FHIT: variants seen among roughly 807,000 people sequenced by gnomAD.
FHIT encodes bis(5'-adenosyl)-triphosphatase.
In FHIT, 19 loss-of-function variants were observed where a neutral mutation model predicts 17.9. The observed-to-expected ratio is 1.06, with a 90% CI of 0.74 to 1.56. The LOEUF is 1.56. Among genes scored for constraint, FHIT ranks in the 40% most tolerant of loss-of-function variants. FHIT has a pLI of 0.00. For synonymous variants in FHIT, 81 were observed against 69.7 expected, an observed-to-expected ratio of 1.16 and a Z score of -0.81; for missense variants, 248 against 189.2, an observed-to-expected ratio of 1.31 and a Z score of -1.82.
At chr3:61,083,963 A>G (rs186587219) in intron 2 of FHIT, among the ~76,000 whole-genome samples, 6 of 152,070 alleles carry the variant, frequency 3.9e-5, no homozygotes, top group Non-Finnish European at 8.8e-5. Context: ...ATGCTTGGAT[A>G]GTGTTTTTTC....
At chr3:61,056,027 CA>C (rs971746588) in intron 2 of FHIT, among the ~76,000 whole-genome samples, 2 of 152,204 alleles carry the variant, frequency 1.3e-5, no homozygotes, top group African/African-American at 4.8e-5. Context: ...AATTGTTTTT[CA>C]CTCTAGTCAC....
At chr3:60,689,347 T>C (rs908035957) in intron 4 of FHIT, among the ~76,000 whole-genome samples, 1 of 152,184 alleles carries the variant, frequency 6.6e-6, no homozygotes, top group Non-Finnish European at 1.5e-5. Context: ...GCATCTATAC[T>C]GAATATGTAC....
At chr3:59,768,766 T>C (rs1701927852) in intron 8 of FHIT, among the ~76,000 whole-genome samples, 1 of 152,242 alleles carries the variant, frequency 6.6e-6, no homozygotes, top group African/African-American at 2.4e-5. Flanking sequence ...GTTGTACCCA[T>C]CCTCAGTCCT....
At chr3:60,013,105 A>G (rs565684873) in intron 6 of FHIT, among the ~76,000 whole-genome samples, 2 of 152,330 alleles carry the variant, frequency 1.3e-5, no homozygotes, top group East Asian at 1.9e-4. Context: ...AAAGAAAGAA[A>G]AAAATCTGTT....
chr3:59,814,076 C>CACT (rs1700509375), intron 8 of FHIT, among the ~76,000 whole-genome samples: 2 of 91,414 alleles, frequency 2.2e-5, no homozygotes, highest in Non-Finnish European at 4.7e-5. Context: ...ACACACACAC[C>CACT]CGACGGTGAA....
At chr3:60,980,456 G>A (rs531347816) in intron 3 of FHIT, among the ~76,000 whole-genome samples, 1 of 152,270 alleles carries the variant, frequency 6.6e-6, no homozygotes, top group Non-Finnish European at 1.5e-5. Context: ...AATCTGATGT[G>A]AGCCACTTTC....
chr3:60,110,811 G>C (rs181457726), intron 5 of FHIT, among the ~76,000 whole-genome samples: 19 of 152,272 alleles, frequency 1.2e-4, no homozygotes, highest in African/African-American at 4.3e-4. Context: ...AACCACTCAA[G>C]ATTTCTTCCC....
At chr3:60,328,841 T>C (rs1363189286) in intron 5 of FHIT, among the ~76,000 whole-genome samples, 1 of 152,188 alleles carries the variant, frequency 6.6e-6, no homozygotes, top group Non-Finnish European at 1.5e-5. Context: ...TCTTCACAAA[T>C]TGGAAGCAGC....
At chr3:60,618,151 T>C (rs2107746372) in intron 4 of FHIT, 1 of 153,468 alleles carries the variant, frequency 6.5e-6, no homozygotes, top group Non-Finnish European at 1.4e-5. Flanking sequence ...ATTTGGGCCT[T>C]TCAAAAAGGA....
chr3:60,049,874 G>A (rs919290048), intron 5 of FHIT, among the ~76,000 whole-genome samples: 2 of 152,020 alleles, frequency 1.3e-5, no homozygotes, highest in African/African-American at 4.8e-5. Flanking sequence ...CTTATCAGCA[G>A]GCAAATAGAT....
chr3:60,342,582 A>G (rs187623201), intron 5 of FHIT, among the ~76,000 whole-genome samples: 23 of 152,348 alleles, frequency 1.5e-4, no homozygotes, highest in African/African-American at 4.8e-4. Context: ...GATGATTTAC[A>G]TAATTCTGTA....
At chr3:59,755,344 C>T (rs1701159688) in intron 8 of FHIT, among the ~76,000 whole-genome samples, 1 of 152,152 alleles carries the variant, frequency 6.6e-6, no homozygotes, top group Non-Finnish European at 1.5e-5. Context: ...AGACTTGTGT[C>T]CTAGAAGATC....
At chr3:60,441,794 A>G (rs370384095) in intron 5 of FHIT, among the ~76,000 whole-genome samples, 978 of 47,006 alleles carry the variant, frequency 0.021, 72 homozygotes, top group African/African-American at 0.049. Flanking sequence ...ATATATATAT[A>G]TATATATATA....
intron 2 of FHIT, among the ~76,000 whole-genome samples, chr3:61,113,168 T>A (rs963658165): frequency 9.9e-5 from 15 of 152,104 alleles, no homozygotes; most frequent in Admixed American, 7.9e-4. Context: ...CAAGACTGAC[T>A]AATGTTTTTA....
intron 4 of FHIT, among the ~76,000 whole-genome samples, chr3:60,696,203 T>C (rs1476775856): frequency 6.6e-6 from 1 of 152,172 alleles, no homozygotes; most frequent in Non-Finnish European, 1.5e-5. Flanking sequence ...AGTACAGGTC[T>C]TACAAAACAC....
intron 4 of FHIT, among the ~76,000 whole-genome samples, chr3:60,724,712 A>T (rs2041881809): frequency 7.0e-6 from 1 of 143,484 alleles, no homozygotes; most frequent in Non-Finnish European, 1.5e-5. Context: ...GCAGTGATGC[A>T]ATCTTGACTC....
intron 3 of FHIT, among the ~76,000 whole-genome samples, chr3:60,973,068 A>C (rs1710088778): frequency 6.6e-6 from 1 of 152,092 alleles, no homozygotes; most frequent in Non-Finnish European, 1.5e-5. Context: ...TGTCTTGATT[A>C]TTGGCCATTT....
At chr3:60,781,785 G>A (rs773057873) in intron 4 of FHIT, among the ~76,000 whole-genome samples, 29 of 152,104 alleles carry the variant, frequency 1.9e-4, no homozygotes, top group Non-Finnish European at 4.0e-4. Context: ...GGACACCAAT[G>A]GTAGTAAATC....
chr3:61,179,506 C>T (rs1300999932), intron 2 of FHIT, among the ~76,000 whole-genome samples: 1 of 151,732 alleles, frequency 6.6e-6, no homozygotes, highest in Non-Finnish European at 1.5e-5. Context: ...GGCAGGGGTT[C>T]AAGACCAGCC....
Sources: gnomAD v4.1 joint callset for allele counts (sites outside exome capture counted in the v4.1 genomes callset) on GRCh38, gnomAD v4.1.1 for gene constraint, MANE v1.5 for transcripts, NCBI Gene and HGNC (gene_info 2026-07-23, HGNC 2026-07-21) for gene names.